Variants in FAM53B observed in about 807,000 individuals in gnomAD.
FAM53B encodes family with sequence similarity 53 member B.
FAM53B carries 12 observed loss-of-function variants against 32.7 expected under a neutral mutation model. The observed-to-expected ratio is 0.37, with a 90% confidence interval of 0.24 to 0.59. The LOEUF (loss-of-function observed/expected upper bound fraction) is 0.59, where lower values mean the gene tolerates loss of function less well. FAM53B is among the 20% of genes least tolerant of loss of function. The pLI is 0.72. For synonymous variants in FAM53B, 234 were observed against 228.7 expected (o/e 1.02, Z -0.21); for missense variants, 477 against 577.7 (o/e 0.83, Z 1.79).
intron 4 of FAM53B, among the ~76,000 whole-genome samples, chr10:124,626,793 G>T (rs1217362525): frequency 1.3e-5 from 2 of 152,216 alleles, no homozygotes; most frequent in East Asian, 3.8e-4. Context: ...CCTGGAAGGG[G>T]CTGAGGTCAG....
chr10:124,671,418 G>A (rs1445901982), intron 4 of FAM53B, among the ~76,000 whole-genome samples: 4 of 152,170 alleles, frequency 2.6e-5, no homozygotes, highest in South Asian at 2.1e-4. Context: ...TTAATACTTC[G>A]TTTTCTCTTC....
chr10:124,639,807 C>T (rs371227019), intron 4 of FAM53B, among the ~76,000 whole-genome samples: 100 of 152,006 alleles, frequency 6.6e-4, no homozygotes, highest in African/African-American at 2.1e-3. Context: ...ATGCCTGGGG[C>T]GGGCATGGGG....
At chr10:124,675,141 G>A (rs1278233746) in intron 4 of FAM53B, among the ~76,000 whole-genome samples, 4 of 152,220 alleles carry the variant, frequency 2.6e-5, no homozygotes, top group African/African-American at 9.7e-5. Flanking sequence ...CAGATTGCTT[G>A]TGCAACCTGA....
At chr10:124,666,584 T>A (rs932770446) in intron 4 of FAM53B, among the ~76,000 whole-genome samples, 6 of 152,114 alleles carry the variant, frequency 3.9e-5, no homozygotes, top group African/African-American at 1.4e-4. Flanking sequence ...AGCTGTCTTC[T>A]CAGCACCCCC....
chr10:124,675,385 G>A (rs929875719), intron 4 of FAM53B, among the ~76,000 whole-genome samples: 3 of 152,256 alleles, frequency 2.0e-5, no homozygotes, highest in East Asian at 1.9e-4. Flanking sequence ...CCCACCAAGA[G>A]TGGAGAGCCC....
At chr10:124,710,205 A>G (rs77678780) in intron 1 of FAM53B, among the ~76,000 whole-genome samples, 5,347 of 152,324 alleles carry the variant, frequency 0.035, 141 homozygotes, top group Non-Finnish European at 0.048. Flanking sequence ...TACTCAATGG[A>G]GACCTTATCA....
chr10:124,637,929 C>T (rs1371552072), intron 4 of FAM53B, among the ~76,000 whole-genome samples: 1 of 152,192 alleles, frequency 6.6e-6, no homozygotes, highest in Non-Finnish European at 1.5e-5. Context: ...GCTCTCCATT[C>T]TGGAGCCCCC....
At chr10:124,712,994 A>T (rs903849413) in intron 1 of FAM53B, among the ~76,000 whole-genome samples, 2 of 152,202 alleles carry the variant, frequency 1.3e-5, no homozygotes, top group Admixed American at 1.3e-4. Flanking sequence ...TGCCCAAAGC[A>T]AGGCCTATGG....
At chr10:124,674,193 A>G (rs1424282676) in intron 4 of FAM53B, among the ~76,000 whole-genome samples, 1 of 152,224 alleles carries the variant, frequency 6.6e-6, no homozygotes, top group African/African-American at 2.4e-5. Flanking sequence ...TCTGGGGAGC[A>G]GGGATGCGGC....
chr10:124,698,757 C>T (rs571318068), intron 2 of FAM53B, among the ~76,000 whole-genome samples: 171 of 152,268 alleles, frequency 1.1e-3, no homozygotes, highest in African/African-American at 3.9e-3. Context: ...CCTGTACCCT[C>T]GGCCCCCATT....
At chr10:124,630,300 G>A (rs750368269) in intron 4 of FAM53B, among the ~76,000 whole-genome samples, 19 of 152,176 alleles carry the variant, frequency 1.2e-4, no homozygotes, top group African/African-American at 3.4e-4. Context: ...TGTGGTCCCC[G>A]CTACTCGGGA....
At chr10:124,740,190 C>T (rs967170019) in intron 1 of FAM53B, among the ~76,000 whole-genome samples, 2 of 152,100 alleles carry the variant, frequency 1.3e-5, no homozygotes, top group African/African-American at 4.8e-5. Flanking sequence ...GATAAGAATC[C>T]GAGTTCTCCC....
intron 2 of FAM53B, among the ~76,000 whole-genome samples, chr10:124,701,223 G>A (rs887842270): frequency 6.6e-6 from 1 of 152,232 alleles, no homozygotes; most frequent in Non-Finnish European, 1.5e-5. Flanking sequence ...AGCATGGCCC[G>A]AAGTATGAAG....
chr10:124,656,058 T>C (rs2134053393), intron 4 of FAM53B, among the ~76,000 whole-genome samples: 1 of 152,316 alleles, frequency 6.6e-6, no homozygotes, highest in East Asian at 1.9e-4. Flanking sequence ...ACCAGCACGG[T>C]ACCCAGCACA....
Position 124,727,100 on chromosome 10 carries a change from C to G in FAM53B, c.-175+16913G>C, listed in dbSNP as rs367725355. ...GTGGCACGATCTTGGCTCACTGCAA[C>G]GTCCGCCTCCCAGGCTCAAGCGATC... On this transcript the variant is annotated intron_variant, in intron 1 of 4. Transcript: ENST00000337318. Among the ~76,000 whole-genome samples, 31 of 152,276 alleles carry G rather than the reference C, an allele frequency of 2.0e-4. No individual in the cohort carries two copies. In the South Asian group the frequency reaches 5.2e-3, roughly 25 times the overall value.
intron 4 of FAM53B, among the ~76,000 whole-genome samples, chr10:124,641,885 T>C (rs1418818263): frequency 6.6e-6 from 1 of 152,256 alleles, no homozygotes; most frequent in Non-Finnish European, 1.5e-5. Context: ...CGCGACTCGC[T>C]GGTTCCTCCA....
chr10:124,694,205 G>A (rs1295387846), intron 3 of FAM53B, among the ~76,000 whole-genome samples: 4 of 152,356 alleles, frequency 2.6e-5, no homozygotes, highest in South Asian at 2.1e-4. Context: ...GAGGAGAAGA[G>A]CCTGGGACGG....
chr10:124,688,800 A>C (rs2134073095), intron 3 of FAM53B, among the ~76,000 whole-genome samples: 1 of 152,156 alleles, frequency 6.6e-6, no homozygotes, highest in East Asian at 1.9e-4. Flanking sequence ...AAATGTTCTT[A>C]TTTCCATTCC....
At chr10:124,638,512 T>A (rs1338658833) in intron 4 of FAM53B, among the ~76,000 whole-genome samples, 1 of 152,102 alleles carries the variant, frequency 6.6e-6, no homozygotes. Context: ...TGAAATGAGA[T>A]CACAAGCAGC....
Sources: gnomAD v4.1 joint callset for allele counts (sites outside exome capture counted in the v4.1 genomes callset) on GRCh38, gnomAD v4.1.1 for gene constraint, MANE v1.5 for transcripts, NCBI Gene and HGNC (gene_info 2026-07-23, HGNC 2026-07-21) for gene names.